WAC: variants seen among roughly 807,000 people sequenced by gnomAD.
The protein encoded by WAC is WW domain containing adaptor with coiled-coil.
In WAC, 11 loss-of-function variants were observed where a neutral mutation model predicts 79.6. The ratio of observed to expected loss-of-function variants is 0.14; its 90% CI spans 0.09 to 0.23. The LOEUF is 0.23. Ranked by LOEUF, WAC falls within the 10% of genes least tolerant of loss-of-function variation. The pLI is 1.00. For missense variants in WAC, 728 were observed against 773.5 expected, an observed-to-expected ratio of 0.94 and a Z score of 0.70; for synonymous variants, 304 against 276.9, an observed-to-expected ratio of 1.10 and a Z score of -0.97.
rs571718277 is a variant in WAC at position 28,614,650 on chromosome 10, T to G, written c.1521T>G (p.His507Gln). The part of the protein sequence containing the change: ...QPVTADKQQG[H>Q]EPVSPRSLQR... ...TAACTGCTGACAAGCAGCAAGGTCA[T>G]GAACCTGTCTCTCCTCGAAGTCTTC... Residue 507 changes from histidine (H) to glutamine (Q), a missense_variant, in exon 11 of 14, where the codon CAT becomes CAG. Coordinates refer to ENST00000354911, the MANE Select transcript of WAC (RefSeq NM_016628.5). 7 of 1,614,186 alleles carry G rather than the reference T, an allele frequency of 4.3e-6. No homozygotes were observed. In the South Asian group the frequency reaches 7.7e-5, roughly 18 times the overall value.
At chr10:28,534,076 A>AG (rs998303662) in intron 2 of WAC, 42 bp downstream of exon 2, 2 of 1,546,064 alleles carry the variant, frequency 1.3e-6, no homozygotes, top group Non-Finnish European at 1.7e-6. Flanking sequence ...AAGGGGCCGG[A>AG]GGGGGAAGGG....
intron 3 of WAC, among the ~76,000 whole-genome samples, chr10:28,549,496 G>C (rs950175392): frequency 4.6e-5 from 7 of 152,130 alleles, no homozygotes; most frequent in Non-Finnish European, 5.9e-5. Context: ...CTGGGAAGTT[G>C]TCCCTGATTC....
intron 3 of WAC, among the ~76,000 whole-genome samples, chr10:28,575,521 T>C (rs1343136223): frequency 6.6e-6 from 1 of 152,244 alleles, no homozygotes; most frequent in Non-Finnish European, 1.5e-5. Context: ...TGACTATAGC[T>C]ATTCTAGTGG....
rs567057354 is a variant in WAC, at chr10:28,533,799, G to A, written c.41+179G>A. ...GCGGGAACGCAGTGTGGCGGGGAGCGGGGGCCCGGCTTCGCGGCATTTCGC... is the reference window on the plus strand; with the variant it reads ...GCGGGAACGCAGTGTGGCGGGGAGCAGGGGCCCGGCTTCGCGGCATTTCGC... On this transcript the variant is annotated intron_variant, in intron 1 of 13. Transcript: ENST00000354911. 3 of 989,038 alleles carry A rather than the reference G, an allele frequency of 3.0e-6. No homozygotes were observed. In the Admixed American group the frequency reaches 8.3e-5, roughly 27 times the overall value. 61.3% of individuals were successfully genotyped at this position (989,038 alleles called of 1,614,324 possible).
intron 4 of WAC, chr10:28,588,964 A>G (rs1244366437): frequency 3.3e-5 from 5 of 152,192 alleles, no homozygotes; most frequent in Non-Finnish European, 2.9e-5. Flanking sequence ...TTGAGATTCT[A>G]CCAGATTTCC....
intron 3 of WAC, among the ~76,000 whole-genome samples, chr10:28,548,149 C>G (rs1044060517): frequency 6.6e-6 from 1 of 151,944 alleles, no homozygotes; most frequent in African/African-American, 2.4e-5. Context: ...TCTTGAACTC[C>G]TTACCTCAGG....
At chr10:28,567,656 C>T (rs1388176803) in intron 3 of WAC, among the ~76,000 whole-genome samples, 2 of 152,186 alleles carry the variant, frequency 1.3e-5, no homozygotes, top group Non-Finnish European at 2.9e-5. Context: ...ACCCTTCTCT[C>T]CCACCTCTTC....
At position 28,570,946 on chromosome 10, in the gene WAC, C is replaced by CTT. The variant is rs139500035; in HGVS notation, c.275-12426_275-12425dup. 6.0e-4 allele frequency among the ~76,000 whole-genome samples: 39 copies of CTT among 64,534 alleles called. 1 individual carries two copies. The highest frequency in any genetic ancestry group is 1.9e-3 in the African/African-American group (31 of 16,706). 42.3% of individuals were successfully genotyped at this position (64,534 alleles called of 152,430 possible). ...TAGTTGTGTTATCCTTAAAGATATACTTTTTTTTTTTTTTTTTTTTTTTTT... is the reference window on the plus strand; with the variant it reads ...TAGTTGTGTTATCCTTAAAGATATACTTTTTTTTTTTTTTTTTTTTTTTTTTT... On this transcript the variant is annotated intron_variant, in intron 3 of 13. Transcript: ENST00000354911.
At chr10:28,543,705 T>C (rs1410813446) in intron 3 of WAC, among the ~76,000 whole-genome samples, 1 of 152,236 alleles carries the variant, frequency 6.6e-6, no homozygotes, top group Non-Finnish European at 1.5e-5. Flanking sequence ...ATTTTGTTAG[T>C]ACACGCTCAT....
At chr10:28,588,753 A>T (rs911049883) in intron 4 of WAC, 5 of 152,138 alleles carry the variant, frequency 3.3e-5, no homozygotes, top group African/African-American at 7.2e-5. Flanking sequence ...TAAATTGACA[A>T]TTCTACATAT....
chr10:28,616,174 A>G lies in WAC; in HGVS notation c.1558A>G (p.Ser520Gly). Residue 520 changes from serine (S) to glycine (G), a missense_variant and splice_region_variant, in exon 12 of 14, where the codon AGC (serine) becomes GGC (glycine). Around this residue, in one of 3 missense-constraint regions of WAC, gnomAD observed 648 missense variants for 661.5 expected, o/e 0.98. Transcript: ENST00000354911. ...VSPRSLQRSS[S>G]QRSPSPGPNH... ...TACACATTCAATTCTGTTTTCTAGT[A>G]GCCAGAGAAGTCCATCACCTGGTCC... The G allele has an allele frequency of 2.5e-6, 4 of 1,590,668 alleles. No individual in the cohort carries two copies. The highest frequency in any genetic ancestry group is 3.4e-6 in the Non-Finnish European group (4 of 1,164,978).
chr10:28,571,921 A>G (rs1009959055), intron 3 of WAC, among the ~76,000 whole-genome samples: 2 of 152,250 alleles, frequency 1.3e-5, no homozygotes, highest in African/African-American at 4.8e-5. Context: ...ATAAATTTTT[A>G]TAAAACTTAC....
At chr10:28,550,084 G>A (rs1054624412) in intron 3 of WAC, among the ~76,000 whole-genome samples, 1 of 151,640 alleles carries the variant, frequency 6.6e-6, no homozygotes, top group Admixed American at 6.6e-5. Flanking sequence ...CAGGAGAATC[G>A]CTTGAACTTG....
At chr10:28,598,502 C>T (rs989508816) in intron 7 of WAC, among the ~76,000 whole-genome samples, 4 of 152,162 alleles carry the variant, frequency 2.6e-5, no homozygotes, top group Admixed American at 6.5e-5. Context: ...TTATGTTTTA[C>T]TGTATTTTGT....
intron 7 of WAC, among the ~76,000 whole-genome samples, chr10:28,596,739 T>G (rs1253858560): frequency 6.6e-6 from 1 of 152,204 alleles, no homozygotes; most frequent in Non-Finnish European, 1.5e-5. Flanking sequence ...CTAAGGAAAT[T>G]AAAATGTAGT....
intron 3 of WAC, among the ~76,000 whole-genome samples, chr10:28,577,047 A>G (rs1839278128): frequency 6.6e-6 from 1 of 152,182 alleles, no homozygotes; most frequent in African/African-American, 2.4e-5. Flanking sequence ...GAATAGCACA[A>G]ATGTAGAGGG....
chr10:28,607,147 AT>A (rs58974735), intron 7 of WAC, among the ~76,000 whole-genome samples: 139 of 152,250 alleles, frequency 9.1e-4, no homozygotes, highest in African/African-American at 3.2e-3. Context: ...AAATAGTCTG[AT>A]TACCACTACT....
At chr10:28,612,364 G>GA (rs1427526663) in intron 10 of WAC, among the ~76,000 whole-genome samples, 1 of 152,178 alleles carries the variant, frequency 6.6e-6, no homozygotes, top group African/African-American at 2.4e-5. Context: ...TAATAGATGA[G>GA]AAAATCAAAC....
In WAC at chr10:28,557,917, AC is replaced by A. The variant is rs368687628; in HGVS notation, c.274+22161del. 3.7e-4 allele frequency among the ~76,000 whole-genome samples: 56 copies of A among 151,916 alleles called. No individual in the cohort carries two copies. The East Asian group carries it at 0.011, about 30-fold the overall frequency. ...GTGAAACCTCGTCTCTACTAAAAAT[AC>A]AAAAAATTAGCCGGGTGTGGTGGCA... On this transcript the variant is annotated intron_variant, in intron 3 of 13. Coordinates refer to ENST00000354911, the MANE Select transcript of WAC (RefSeq NM_016628.5).
Sources: allele counts gnomAD v4.1 joint callset (sites outside exome capture counted in the v4.1 genomes callset), GRCh38; gene constraint gnomAD v4.1.1; regional missense constraint gnomAD v4.1.1; transcripts MANE v1.5; gene names NCBI Gene and HGNC (gene_info 2026-07-23, HGNC 2026-07-21).